NACC2: variants seen among roughly 807,000 people sequenced by gnomAD.
The protein encoded by NACC2 is nucleus accumbens-associated protein 2.
In NACC2, 8 loss-of-function variants were observed where a neutral mutation model predicts 25.1. The ratio of observed to expected loss-of-function variants is 0.32; its 90% CI spans 0.19 to 0.57. NACC2 has a LOEUF of 0.57. Among genes scored for constraint, NACC2 ranks in the 20% least tolerant of loss-of-function variants. NACC2 has a pLI of 0.89. For missense variants in NACC2, 644 were observed against 650.2 expected, an observed-to-expected ratio of 0.99 and a Z score of 0.10; for synonymous variants, 435 against 294.7, an observed-to-expected ratio of 1.48 and a Z score of -4.88.
intron 1 of NACC2, among the ~76,000 whole-genome samples, chr9:136,059,824 G>A (rs976907333): frequency 6.6e-6 from 1 of 152,158 alleles, no homozygotes; most frequent in Non-Finnish European, 1.5e-5. Context: ...CCCTCTAGTC[G>A]GCCTGGCCTC....
Position 136,020,851 on chromosome 9 carries a change from G to C in NACC2, c.887-4422C>G, listed in dbSNP as rs370926252. ...GCACCAGCCTTTGTCAACGGAGGAG[G>C]CAGCAGCCTTCACAAATGGGGCTTG... is the stretch of plus-strand genomic sequence containing the variant. On this transcript the variant is annotated intron_variant, in intron 2 of 5. Coordinates refer to ENST00000277554, the MANE Select transcript of NACC2 (RefSeq NM_144653.5). This position sits in a 1 kb window ranked among gnomAD's most constrained non-coding sequence, Gnocchi z 4.7. Among the ~76,000 whole-genome samples, 8 of 152,250 alleles carry C rather than the reference G, an allele frequency of 5.3e-5. No individual in the cohort carries two copies. In the South Asian group the frequency reaches 1.2e-3, roughly 24 times the overall value.
At chr9:136,090,786 CCAGGGCCGGGCTGCCCT>C (rs1293700891) in intron 1 of NACC2, among the ~76,000 whole-genome samples, 2 of 152,212 alleles carry the variant, frequency 1.3e-5, no homozygotes, top group Non-Finnish European at 2.9e-5. Flanking sequence ...CACCCCCAGC[CCAGGGCCGGGCTGCCCT>C]CGGGGCCCCG....
Position 136,006,776 on chromosome 9 carries a change from G to A in NACC2, c.*4740C>T, listed in dbSNP as rs558111892. The A allele has an allele frequency of 2.6e-5, 4 of 151,914 alleles. No individual in the cohort carries two copies. The East Asian group carries it at 7.7e-4, about 29-fold the overall frequency. 9.4% of individuals were successfully genotyped at this position (151,914 alleles called of 1,614,324 possible). On this transcript the variant is annotated 3_prime_UTR_variant, in exon 6 of 6. Coordinates refer to ENST00000277554, the MANE Select transcript of NACC2 (RefSeq NM_144653.5). ...TACCGAGTAACAGCACAAAAACAGA[G>A]TGAGGGCTCAGGAAAACAAAACAAA...
chr9:136,075,343 C>T lies in NACC2; in HGVS notation c.-60+19846G>A, dbSNP rs576280295. ...TACTTGGGGGGAAAGCCCTCCCTAG[C>T]TCCCCCGAGGCTGGCTGCTGCGAAC... On this transcript the variant is annotated intron_variant, in intron 1 of 5. Coordinates refer to ENST00000277554, the MANE Select transcript of NACC2 (RefSeq NM_144653.5). Among the ~76,000 whole-genome samples the T allele has an allele frequency of 3.3e-5, 5 of 152,366 alleles. No homozygotes were observed. In the East Asian group the frequency reaches 9.6e-4, roughly 29 times the overall value.
At chr9:136,043,815 C>CAA (rs1375920514) in intron 2 of NACC2, among the ~76,000 whole-genome samples, 1 of 152,132 alleles carries the variant, frequency 6.6e-6, no homozygotes, top group African/African-American at 2.4e-5. Flanking sequence ...GTAAAGGATA[C>CAA]AAATACTTTT....
intron 1 of NACC2, among the ~76,000 whole-genome samples, chr9:136,059,308 T>C (rs766026966): frequency 6.6e-6 from 1 of 152,170 alleles, no homozygotes; most frequent in African/African-American, 2.4e-5. Flanking sequence ...GGCACAGCCA[T>C]GCTTGGTGTC....
intron 1 of NACC2, among the ~76,000 whole-genome samples, chr9:136,068,636 C>T (rs1841115611): frequency 6.6e-6 from 1 of 151,670 alleles, no homozygotes; most frequent in Admixed American, 6.6e-5. Context: ...TGCTGTTATG[C>T]AGCATGTGAC....
chr9:136,066,203 AAAG>A lies in NACC2; in HGVS notation c.-59-15626_-59-15624del, dbSNP rs896180036. 9.9e-4 allele frequency among the ~76,000 whole-genome samples: 125 copies of A among 125,866 alleles called. 4 individuals carry two copies. Among genetic ancestry groups the A allele is most frequent in the Non-Finnish European group, 1.2e-3 (63 of 52,376 alleles). 82.6% of individuals were successfully genotyped at this position (125,866 alleles called of 152,430 possible). A position where few individuals can be genotyped will look rare whatever the true frequency, so the allele number is the denominator to read the frequency against. On this transcript the variant is annotated intron_variant, in intron 1 of 5. Coordinates refer to ENST00000277554, the MANE Select transcript of NACC2 (RefSeq NM_144653.5). ...GTGAAACCCCATCTCAAAAAAAAAA[AAAG>A]AAAGAAAGAAAAAGAAACCAAAGAA...
chr9:136,080,889 T>C (rs1423894957), intron 1 of NACC2, among the ~76,000 whole-genome samples: 2 of 152,148 alleles, frequency 1.3e-5, no homozygotes, highest in African/African-American at 4.8e-5. Flanking sequence ...GAGCCGCCCC[T>C]GCGTGCTAGG....
rs138560606 is a variant in NACC2, at chr9:136,024,727, G to C, written c.887-8298C>G. Among the ~76,000 whole-genome samples the C allele has an allele frequency of 4.5e-3, 681 of 152,276 alleles. 7 individuals carry two copies. The highest frequency in any genetic ancestry group is 0.015 in the African/African-American group (633 of 41,540). ...AAACGCCCCAGAGATTCCCACTGTG[G>C]ATATGAGGGAGCAGCCAATATTAGA... On this transcript the variant is annotated intron_variant, in intron 2 of 5. Coordinates refer to ENST00000277554, the MANE Select transcript of NACC2 (RefSeq NM_144653.5).
chr9:136,068,789 C>G (rs1841116929), intron 1 of NACC2, among the ~76,000 whole-genome samples: 1 of 151,312 alleles, frequency 6.6e-6, no homozygotes, highest in Admixed American at 6.6e-5. Context: ...CACAGGAAGG[C>G]AGGAAAAAGA....
intron 2 of NACC2, among the ~76,000 whole-genome samples, chr9:136,021,457 C>T (rs926445196): frequency 6.6e-6 from 1 of 152,212 alleles, no homozygotes; most frequent in African/African-American, 2.4e-5. Context: ...ACTGACACCC[C>T]CAAGTGCTGG....
intron 1 of NACC2, 64 bp from the exon 2 acceptor site, chr9:136,050,644 G>A: frequency 3.0e-6 from 2 of 666,748 alleles, no homozygotes; most frequent in Non-Finnish European, 2.7e-6. Flanking sequence ...TCAAGGGGCC[G>A]TTCCCACCCC....
At chr9:136,031,447 C>T (rs187688036) in intron 2 of NACC2, among the ~76,000 whole-genome samples, 7 of 152,278 alleles carry the variant, frequency 4.6e-5, no homozygotes, top group African/African-American at 7.2e-5. Flanking sequence ...GAGCAATTCT[C>T]GTGCTTCAGC....
At chr9:136,033,455 C>T (rs985702559) in intron 2 of NACC2, among the ~76,000 whole-genome samples, 14 of 136,198 alleles carry the variant, frequency 1.0e-4, no homozygotes, top group South Asian at 9.3e-4. Context: ...ACCAGCCCAG[C>T]GAACATGGTG....
At position 136,084,756 on chromosome 9, in the gene NACC2, G is replaced by C. The variant is rs1233162795; in HGVS notation, c.-60+10433C>G. On this transcript the variant is annotated intron_variant, in intron 1 of 5. Coordinates refer to ENST00000277554, the MANE Select transcript of NACC2 (RefSeq NM_144653.5). The surrounding 1 kb of genome is among the most constrained non-coding windows in gnomAD (Gnocchi z 5.1). ...ACACACACATACATCACGCAGCCTG[G>C]AGAAGGGACGGGCTCCGCCACTCCC... is the stretch of plus-strand genomic sequence containing the variant. 6.6e-6 allele frequency among the ~76,000 whole-genome samples: 1 copy of C among 152,256 alleles called. No individual in the cohort carries two copies. The highest frequency in any genetic ancestry group is 1.5e-5 in the Non-Finnish European group (1 of 68,048).
intron 1 of NACC2, among the ~76,000 whole-genome samples, chr9:136,078,334 G>A (rs1335387333): frequency 6.6e-6 from 1 of 152,218 alleles, no homozygotes; most frequent in East Asian, 1.9e-4. Context: ...GAATTCATGA[G>A]GGGGACAGGC....
Position 136,069,793 on chromosome 9 carries a change from G to C in NACC2, c.-59-19213C>G, listed in dbSNP as rs200812799. Among the ~76,000 whole-genome samples the C allele has an allele frequency of 2.0e-5, 3 of 151,798 alleles. No homozygotes were observed. The East Asian group carries it at 5.8e-4, about 29-fold the overall frequency. On this transcript the variant is annotated intron_variant, in intron 1 of 5. Coordinates refer to ENST00000277554, the MANE Select transcript of NACC2 (RefSeq NM_144653.5). ...AGACACAGCAATCCTAAATGTCCAT[G>C]TACCAGACAACGGAACTACAAAATA...
chr9:136,057,747 A>G (rs1305272674), intron 1 of NACC2, among the ~76,000 whole-genome samples: 2 of 151,916 alleles, frequency 1.3e-5, no homozygotes, highest in African/African-American at 4.8e-5. Flanking sequence ...CCGGGAGGGG[A>G]AGCACCCTCC....
Sources: gnomAD v4.1 joint callset for allele counts (sites outside exome capture counted in the v4.1 genomes callset) on GRCh38, gnomAD v4.1.1 for gene constraint, Gnocchi (gnomAD v3.1) non-coding constraint, MANE v1.5 for transcripts, NCBI Gene and HGNC (gene_info 2026-07-23, HGNC 2026-07-21) for gene names.